The following CDH13 variants were observed in gnomAD, a reference collection of about 807,000 sequenced individuals.
The protein encoded by CDH13 is cadherin-13.
Under a neutral mutation model 63.8 loss-of-function variants are expected in CDH13, and 24 were observed. The observed-to-expected ratio is 0.38, with a 90% CI of 0.27 to 0.53. CDH13 has a LOEUF of 0.53. Ranked by LOEUF, CDH13 falls within the 20% of genes least tolerant of loss-of-function variation. The pLI is 0.85. For missense variants in CDH13, 1,049 were observed against 903.1 expected (o/e 1.16, Z -2.07); for synonymous variants, 503 against 355.3 (o/e 1.42, Z -4.67).
chr16:83,253,806 G>A (rs1905881370), intron 5 of CDH13, among the ~76,000 whole-genome samples: 1 of 152,176 alleles, frequency 6.6e-6, no homozygotes, highest in African/African-American at 2.4e-5. Context: ...GCTGCCTGTG[G>A]ACATGTGCAG....
chr16:83,130,381 C>A (rs1294991291), intron 4 of CDH13, among the ~76,000 whole-genome samples: 2 of 152,146 alleles, frequency 1.3e-5, no homozygotes, highest in Admixed American at 6.5e-5. Flanking sequence ...AACCAGTATC[C>A]TCAGGAAATA....
At chr16:82,877,736 C>G (rs2040551894) in intron 2 of CDH13, among the ~76,000 whole-genome samples, 3 of 152,052 alleles carry the variant, frequency 2.0e-5, no homozygotes, top group Admixed American at 6.6e-5. Flanking sequence ...CCTTTCCAGT[C>G]TGAAGAGCTC....
chr16:83,216,374 A>C (rs2039510253), intron 4 of CDH13, among the ~76,000 whole-genome samples: 1 of 118,670 alleles, frequency 8.4e-6, no homozygotes. Flanking sequence ...GGAAATAATA[A>C]TGTCCTCTGC....
intron 6 of CDH13, among the ~76,000 whole-genome samples, chr16:83,454,319 A>T (rs1055617600): frequency 6.6e-6 from 1 of 152,258 alleles, no homozygotes; most frequent in Non-Finnish European, 1.5e-5. Flanking sequence ...CATGATACAC[A>T]TTCCCAAATA....
At chr16:83,676,223 G>C (rs1227190346) in intron 9 of CDH13, among the ~76,000 whole-genome samples, 3 of 152,170 alleles carry the variant, frequency 2.0e-5, no homozygotes, top group Non-Finnish European at 4.4e-5. Context: ...GGATTCCCCA[G>C]AAACCCCACT....
chr16:83,378,995 A>G (rs1319941839), intron 6 of CDH13, among the ~76,000 whole-genome samples: 2 of 142,242 alleles, frequency 1.4e-5, no homozygotes, highest in East Asian at 3.9e-4. Context: ...ATGCATCTAT[A>G]TATATATATA....
At chr16:83,165,039 C>T (rs539415082) in intron 4 of CDH13, among the ~76,000 whole-genome samples, 6 of 149,734 alleles carry the variant, frequency 4.0e-5, no homozygotes, top group East Asian at 2.0e-4. Flanking sequence ...GCCCAGCCCA[C>T]GCTCTGATCA....
chr16:82,807,570 A>G (rs942941115), intron 1 of CDH13, among the ~76,000 whole-genome samples: 1 of 34,208 alleles, frequency 2.9e-5, no homozygotes, highest in African/African-American at 3.1e-5. Flanking sequence ...CCATGTCTTG[A>G]TCTCTGGGCT....
intron 1 of CDH13, among the ~76,000 whole-genome samples, chr16:82,791,548 A>G (rs894225968): frequency 1.3e-5 from 2 of 151,882 alleles, no homozygotes; most frequent in Admixed American, 1.3e-4. Flanking sequence ...GCAAGTGAAC[A>G]CTCTTCTGGT....
Position 83,670,860 on chromosome 16 carries a change from C to A in CDH13, c.1172C>A (p.Pro391His), listed in dbSNP as rs1181499764. Reference sequence around the variant, plus strand: ...TTGACAGTTGAAGATAAGGATGACCCCACCACAGGTGCATGGAGGGCTGCC... The same window carrying A: ...TTGACAGTTGAAGATAAGGATGACCACACCACAGGTGCATGGAGGGCTGCC... The part of the protein sequence containing the change: ...VNLTVEDKDD[P>H]TTGAWRAAYT... The change falls in exon 9 of 14, where the codon CCC becomes CAC. Residue 391 changes from proline (P) to histidine (H), a missense_variant. Physicochemically the swap from Pro to His is moderately conservative, Grantham distance 77 (BLOSUM62 -2). Coordinates refer to ENST00000567109, the MANE Select transcript of CDH13 (RefSeq NM_001257.5). 2 of 1,613,746 alleles carry A rather than the reference C, an allele frequency of 1.2e-6. No individual in the cohort carries two copies. The highest frequency in any genetic ancestry group is 3.3e-5 in the Admixed American group (2 of 59,990).
intron 2 of CDH13, among the ~76,000 whole-genome samples, chr16:82,902,826 G>T (rs2041515963): frequency 6.6e-6 from 1 of 152,106 alleles, no homozygotes; most frequent in African/African-American, 2.4e-5. Flanking sequence ...CCTTGGTCTG[G>T]TTGGTATAAA....
chr16:83,652,622 T>A (rs547278231), intron 8 of CDH13, among the ~76,000 whole-genome samples: 1 of 152,266 alleles, frequency 6.6e-6, no homozygotes, highest in African/African-American at 2.4e-5. Context: ...GCCCTCATTC[T>A]CAAATATTGC....
At chr16:83,556,314 C>T (rs1162623054) in intron 7 of CDH13, among the ~76,000 whole-genome samples, 1 of 152,128 alleles carries the variant, frequency 6.6e-6, no homozygotes, top group Non-Finnish European at 1.5e-5. Flanking sequence ...GGAGATTCTG[C>T]AAAGATAGTA....
chr16:82,650,730 C>T (rs2150906685), intron 1 of CDH13, among the ~76,000 whole-genome samples: 1 of 152,290 alleles, frequency 6.6e-6, no homozygotes, highest in South Asian at 2.1e-4. Flanking sequence ...ATCATGAAAC[C>T]TGCCAAAGAA....
intron 6 of CDH13, among the ~76,000 whole-genome samples, chr16:83,430,495 A>C (rs1286353431): frequency 6.6e-6 from 1 of 152,084 alleles, no homozygotes; most frequent in African/African-American, 2.4e-5. Context: ...CAAATAATAG[A>C]CTCCCTGAAT....
intron 1 of CDH13, among the ~76,000 whole-genome samples, chr16:82,633,602 C>G (rs1268968374): frequency 2.0e-5 from 3 of 152,156 alleles, no homozygotes; most frequent in African/African-American, 7.2e-5. Flanking sequence ...TGGTCTTGAA[C>G]TCCTGACCTC....
chr16:82,851,263 G>A (rs970813576), intron 1 of CDH13, among the ~76,000 whole-genome samples: 11 of 151,880 alleles, frequency 7.2e-5, no homozygotes, highest in African/African-American at 2.4e-4. Context: ...GTGAAACCCC[G>A]TCACTACTAA....
chr16:82,895,974 T>G (rs2041242479), intron 2 of CDH13, among the ~76,000 whole-genome samples: 1 of 152,136 alleles, frequency 6.6e-6, no homozygotes, highest in Non-Finnish European at 1.5e-5. Flanking sequence ...CTCTTGCAAA[T>G]TTTTTCATGG....
At chr16:83,626,244 T>A (rs558542660) in intron 8 of CDH13, among the ~76,000 whole-genome samples, 6 of 152,168 alleles carry the variant, frequency 3.9e-5, no homozygotes, top group Non-Finnish European at 7.3e-5. Flanking sequence ...CTCGTTGTAA[T>A]TGTTTCATGA....
Sources: allele counts gnomAD v4.1 joint callset (sites outside exome capture counted in the v4.1 genomes callset), GRCh38; gene constraint gnomAD v4.1.1; transcripts MANE v1.5; gene names NCBI Gene and HGNC (gene_info 2026-07-23, HGNC 2026-07-21).